Variants in FGGY observed in about 807,000 individuals in gnomAD.
FGGY encodes FGGY carbohydrate kinase domain-containing protein.
Under a neutral mutation model 71.3 loss-of-function variants are expected in FGGY, and 72 were observed. The observed-to-expected ratio is 1.01, with a 90% confidence interval of 0.84 to 1.23. FGGY has a LOEUF of 1.23. FGGY is among the 50% of genes most tolerant of loss of function. The pLI is 0.00. For missense variants in FGGY, 668 were observed against 682.3 expected, an observed-to-expected ratio of 0.98 and a Z score of 0.23; for synonymous variants, 251 against 250.3, an observed-to-expected ratio of 1.00 and a Z score of -0.02.
At chr1:59,534,247 T>C (rs1240731089) in intron 7 of FGGY, among the ~76,000 whole-genome samples, 3 of 150,628 alleles carry the variant, frequency 2.0e-5, no homozygotes, top group African/African-American at 7.3e-5. Context: ...GAAGATGAGA[T>C]GAATGAAATG....
chr1:59,641,566 G>A (rs1001697563), intron 11 of FGGY, among the ~76,000 whole-genome samples: 13 of 152,190 alleles, frequency 8.5e-5, no homozygotes, highest in African/African-American at 2.4e-4. Flanking sequence ...AATAATCAGT[G>A]CAAGCTGAAG....
intron 6 of FGGY, among the ~76,000 whole-genome samples, chr1:59,484,645 A>G (rs1430001570): frequency 6.6e-6 from 1 of 152,168 alleles, no homozygotes; most frequent in Non-Finnish European, 1.5e-5. Flanking sequence ...ATTTTAAAAG[A>G]TTTGGTAATA....
intron 6 of FGGY, among the ~76,000 whole-genome samples, chr1:59,468,092 G>A (rs980114439): frequency 6.6e-6 from 1 of 151,930 alleles, no homozygotes; most frequent in Non-Finnish European, 1.5e-5. Flanking sequence ...TAGTAGAGAC[G>A]GGGTTGCTCT....
chr1:59,592,937 A>G (rs1333460743), intron 8 of FGGY, among the ~76,000 whole-genome samples: 1 of 152,114 alleles, frequency 6.6e-6, no homozygotes, highest in African/African-American at 2.4e-5. Context: ...AACTATAGTA[A>G]TAATAAAATA....
intron 6 of FGGY, among the ~76,000 whole-genome samples, chr1:59,464,170 A>G (rs549121807): frequency 3.5e-4 from 53 of 152,370 alleles, no homozygotes; most frequent in African/African-American, 1.2e-3. Context: ...ACTGTCTTTC[A>G]GACCACAGTG....
intron 14 of FGGY, among the ~76,000 whole-genome samples, chr1:59,738,958 C>T (rs1195107316): frequency 6.6e-6 from 1 of 152,220 alleles, no homozygotes; most frequent in Non-Finnish European, 1.5e-5. Flanking sequence ...GGCACATTCT[C>T]TCTGCCTTTC....
chr1:59,511,133 A>C (rs933634818), intron 6 of FGGY, among the ~76,000 whole-genome samples: 1 of 152,080 alleles, frequency 6.6e-6, no homozygotes, highest in Non-Finnish European at 1.5e-5. Context: ...TTCATATTCA[A>C]TTGTAGATAG....
chr1:59,315,099 T>A (rs117141048), intron 1 of FGGY, among the ~76,000 whole-genome samples: 2,960 of 152,258 alleles, frequency 0.019, 46 homozygotes, highest in East Asian at 0.05. Flanking sequence ...TGGCTGACCC[T>A]CAGAGTAGAG....
At chr1:59,722,121 A>T (rs1048180889) in intron 14 of FGGY, among the ~76,000 whole-genome samples, 1 of 151,604 alleles carries the variant, frequency 6.6e-6, no homozygotes, top group Non-Finnish European at 1.5e-5. Flanking sequence ...TTTGAGGAGT[A>T]CTGGTCAGAT....
chr1:59,451,888 G>C (rs2072814688), intron 5 of FGGY, among the ~76,000 whole-genome samples: 1 of 152,056 alleles, frequency 6.6e-6, no homozygotes, highest in Non-Finnish European at 1.5e-5. Context: ...TCCTTTGTAA[G>C]TAACCTATTC....
Position 59,496,964 on chromosome 1 carries a change from G to A in FGGY, c.671-15347G>A, listed in dbSNP as rs559101086. On this transcript the variant is annotated intron_variant, in intron 6 of 15. Coordinates refer to ENST00000303721, the MANE Select transcript of FGGY (RefSeq NM_018291.5). ...ACTCCTCTGGGAAACACTGATTTAA[G>A]GCAACATGACAATTATATGTTAGGT... Among the ~76,000 whole-genome samples the A allele has an allele frequency of 3.8e-3, 586 of 152,242 alleles. 7 individuals are homozygous for A. Among genetic ancestry groups the A allele is most frequent in the African/African-American group, 0.013 (560 of 41,530 alleles).
intron 6 of FGGY, among the ~76,000 whole-genome samples, chr1:59,461,597 C>G (rs1231489932): frequency 6.6e-6 from 1 of 152,064 alleles, no homozygotes; most frequent in Non-Finnish European, 1.5e-5. Context: ...AGAAGAGCAA[C>G]CCCAAGACAC....
In FGGY at chr1:59,762,539, G is replaced by A. The variant is rs760284982; in HGVS notation, c.1611G>A (p.Leu537=). The part of the protein sequence containing the change: ...YDKKYQVFLK[L]VEHQKEYLAI... Reference sequence around the variant, plus strand: ...AGAAATACCAAGTATTCCTGAAGCTGGTTGAACACCAGAAGGAGTATTTGG... The same window carrying A: ...AGAAATACCAAGTATTCCTGAAGCTAGTTGAACACCAGAAGGAGTATTTGG... The change falls in exon 16 of 16, where the codon CTG becomes CTA. Residue 537 remains leucine (L), a synonymous_variant. Coordinates refer to ENST00000303721, the MANE Select transcript of FGGY (RefSeq NM_018291.5). 2.5e-6 allele frequency: 4 copies of A among 1,613,764 alleles called. No homozygotes were observed. The highest frequency in any genetic ancestry group is 2.2e-5 in the East Asian group (1 of 44,852).
At chr1:59,481,672 A>G (rs1457728666) in intron 6 of FGGY, among the ~76,000 whole-genome samples, 2 of 152,172 alleles carry the variant, frequency 1.3e-5, no homozygotes, top group East Asian at 3.9e-4. Context: ...TTCTGTTTTC[A>G]TAATGCCAGA....
At chr1:59,385,694 C>A (rs1054747446) in intron 5 of FGGY, among the ~76,000 whole-genome samples, 2 of 151,712 alleles carry the variant, frequency 1.3e-5, no homozygotes, top group African/African-American at 4.8e-5. Context: ...AAGAAAAAGT[C>A]GTACAAAATA....
intron 1 of FGGY, among the ~76,000 whole-genome samples, chr1:59,314,127 G>C (rs1346479101): frequency 6.6e-6 from 1 of 151,972 alleles, no homozygotes; most frequent in African/African-American, 2.4e-5. Context: ...CACCACACTC[G>C]GCTAATTTTT....
At chr1:59,700,428 C>G (rs2097700407) in intron 14 of FGGY, among the ~76,000 whole-genome samples, 1 of 152,134 alleles carries the variant, frequency 6.6e-6, no homozygotes, top group Non-Finnish European at 1.5e-5. Flanking sequence ...AATTTTTACC[C>G]ACATTCACAG....
chr1:59,629,300 A>G (rs922741024), intron 10 of FGGY, among the ~76,000 whole-genome samples: 2 of 152,198 alleles, frequency 1.3e-5, no homozygotes, highest in African/African-American at 4.8e-5. Flanking sequence ...TTACATTCTA[A>G]TAGGATCAGC....
At chr1:59,665,611 C>T (rs1044343237) in intron 12 of FGGY, among the ~76,000 whole-genome samples, 3 of 152,124 alleles carry the variant, frequency 2.0e-5, no homozygotes, top group African/African-American at 7.2e-5. Flanking sequence ...CTCCATTTGC[C>T]CTCTACCCCC....
Sources: allele counts gnomAD v4.1 joint callset (sites outside exome capture counted in the v4.1 genomes callset), GRCh38; gene constraint gnomAD v4.1.1; transcripts MANE v1.5; gene names NCBI Gene and HGNC (gene_info 2026-07-23, HGNC 2026-07-21).